Variants in SETD5 observed in about 807,000 individuals in gnomAD.
SETD5 encodes histone-lysine N-methyltransferase SETD5.
In SETD5, 44 loss-of-function variants were observed where a neutral mutation model predicts 153.3. That is an observed-to-expected ratio of 0.29 (90% CI 0.23 to 0.37). The LOEUF is 0.37. Among genes scored for constraint, SETD5 ranks in the 10% least tolerant of loss-of-function variants. The pLI, the probability that SETD5 is intolerant of heterozygous loss-of-function variation, is 1.00. For synonymous variants in SETD5, 716 were observed against 645.2 expected, an observed-to-expected ratio of 1.11 and a Z score of -1.66; for missense variants, 1,544 against 1,768.0, an observed-to-expected ratio of 0.87 and a Z score of 2.27.
At chr3:9,427,254 AT>A (rs2039388915) in intron 2 of SETD5, among the ~76,000 whole-genome samples, 1 of 152,108 alleles carries the variant, frequency 6.6e-6, no homozygotes. Flanking sequence ...ACCATTTACA[AT>A]TTACATTAAC....
chr3:9,477,597 A>C lies in SETD5; in HGVS notation c.*1506A>C, dbSNP rs1041364690. On this transcript the variant is annotated 3_prime_UTR_variant, in exon 23 of 23. Transcript: ENST00000402198. ...ACCCTGTCCTACAACTATCATATGC[A>C]CAGTCTTCTCTCTTTGTGTGTGACT... 1.3e-5 allele frequency: 2 copies of C among 151,436 alleles called. No individual in the cohort carries two copies. Among genetic ancestry groups the C allele is most frequent in the African/African-American group, 4.9e-5 (2 of 40,994 alleles). The allele number at this position is 151,436 out of a possible 1,614,324, so 9.4% of individuals were successfully genotyped here.
intron 13 of SETD5, among the ~76,000 whole-genome samples, chr3:9,445,965 GTTTTTT>G (rs376821559): frequency 2.7e-4 from 23 of 86,466 alleles, no homozygotes; most frequent in African/African-American, 9.4e-4. Flanking sequence ...TGAAGAGGTT[GTTTTTT>G]TTTTTTTTTT....
In SETD5 at chr3:9,434,004, ATTC is replaced by A; in HGVS notation, c.177+57_177+59del. On this transcript the variant is annotated intron_variant, in intron 4 of 22. Transcript: ENST00000402198. The surrounding 1 kb of genome is among the most constrained non-coding windows in gnomAD (Gnocchi z 5.6). ...CAGTGATCTTCCTGGAGTGTAATCC[ATTC>A]TTATACATTGTGACTTTCTTGAAAT... 1.2e-6 allele frequency: 2 copies of A among 1,613,116 alleles called. No homozygotes were observed. The highest frequency in any genetic ancestry group is 1.7e-6 in the Non-Finnish European group (2 of 1,179,548).
Position 9,417,154 on chromosome 3 carries a change from T to C in SETD5, c.-176-7313T>C, listed in dbSNP as rs150404977. Among the ~76,000 whole-genome samples, 132 of 152,278 alleles carry C rather than the reference T, an allele frequency of 8.7e-4. 1 individual carries two copies. The East Asian group carries it at 0.025, about 28-fold the overall frequency. On this transcript the variant is annotated intron_variant, in intron 1 of 22. Coordinates refer to ENST00000402198, the MANE Select transcript of SETD5 (RefSeq NM_001080517.3). Reference sequence around the variant, plus strand: ...AAGTTATGCTCTAGAAGGGATAACATCATGGAAGAATATAGAGTAGATTGG... The same window carrying C: ...AAGTTATGCTCTAGAAGGGATAACACCATGGAAGAATATAGAGTAGATTGG...
At chr3:9,404,795 C>T (rs1345512660) in intron 1 of SETD5, among the ~76,000 whole-genome samples, 1 of 152,164 alleles carries the variant, frequency 6.6e-6, no homozygotes, top group Non-Finnish European at 1.5e-5. Context: ...CAGTAAGGGA[C>T]CACATTTTGA....
chr3:9,403,275 C>G (rs998371016), intron 1 of SETD5, among the ~76,000 whole-genome samples: 1 of 152,038 alleles, frequency 6.6e-6, no homozygotes, highest in African/African-American at 2.4e-5. Context: ...ATAAATAAAG[C>G]TCTGTATAGG....
At chr3:9,443,550 T>G (rs2041557960) in intron 11 of SETD5, 133 bp downstream of exon 11, 1 of 501,304 alleles carries the variant, frequency 2.0e-6, no homozygotes, top group Non-Finnish European at 3.1e-6. Flanking sequence ...TAATGAATTT[T>G]CTGCCTAGAA....
rs5846639 is a variant in SETD5, at chr3:9,476,459, TAAAA to T, written c.*384_*387del. 1.8e-5 allele frequency: 2 copies of T among 113,672 alleles called. No individual in the cohort carries two copies. The highest frequency in any genetic ancestry group is 3.8e-5 in the Non-Finnish European group (2 of 53,134). 7.0% of individuals were successfully genotyped at this position (113,672 alleles called of 1,614,324 possible). A position where few individuals can be genotyped will look rare whatever the true frequency, so the allele number is the denominator to read the frequency against. On this transcript the variant is annotated 3_prime_UTR_variant, in exon 23 of 23. Transcript: ENST00000402198. ...TGCAGTGAGGACATCTTTTTAAATT[TAAAA>T]AAAAAAAAAAAAAAAGTTTTCAAAG...
intron 1 of SETD5, among the ~76,000 whole-genome samples, chr3:9,414,775 TG>T (rs1213206076): frequency 9.2e-5 from 14 of 152,128 alleles, no homozygotes; most frequent in African/African-American, 3.1e-4. Flanking sequence ...AAGTTATTAA[TG>T]GAGGTCTTCA....
chr3:9,419,910 G>A (rs1467407720), intron 1 of SETD5, among the ~76,000 whole-genome samples: 1 of 152,216 alleles, frequency 6.6e-6, no homozygotes, highest in African/African-American at 2.4e-5. Context: ...GGAGGCACGT[G>A]TAGAGATATG....
chr3:9,421,462 A>G (rs923679075), intron 1 of SETD5, among the ~76,000 whole-genome samples: 2 of 151,984 alleles, frequency 1.3e-5, no homozygotes, highest in Non-Finnish European at 2.9e-5. Context: ...TTCCTAGCAT[A>G]CTTTTCTTCT....
chr3:9,414,434 TATC>T (rs1380437412), intron 1 of SETD5, among the ~76,000 whole-genome samples: 1 of 152,160 alleles, frequency 6.6e-6, no homozygotes, highest in Non-Finnish European at 1.5e-5. Context: ...AGTATGAGGC[TATC>T]ATTGCTTCTA....
chr3:9,475,082 G>C lies in SETD5; in HGVS notation c.3646G>C (p.Glu1216Gln). Residue 1216 changes from glutamate to glutamine, a missense_variant, in exon 22 of 23, where the codon GAA becomes CAA. Physicochemically the swap from Glu to Gln is conservative, Grantham distance 29. Transcript: ENST00000402198. ...TTACCTTCCAGACCCTGCAGATGGA[G>C]AAGGCCCAGAGACATTAAGCTCAGC... Reference protein sequence around the residue: ...TEKDSDPADGEGPETLSSALS... With the variant: ...TEKDSDPADGQGPETLSSALS... 1 of 1,585,978 alleles carries C rather than the reference G, an allele frequency of 6.3e-7. No homozygotes were observed. Among genetic ancestry groups the C allele is most frequent in the African/African-American group, 1.3e-5 (1 of 74,276 alleles).
chr3:9,470,439 G>C lies in SETD5; in HGVS notation c.2725-20G>C, dbSNP rs781524402. The C allele has an allele frequency of 8.2e-6, 13 of 1,593,400 alleles. No homozygotes were observed. Among genetic ancestry groups the C allele is most frequent in the Non-Finnish European group, 1.0e-5 (12 of 1,165,528 alleles). On this transcript the variant is annotated intron_variant, in intron 18 of 22. Transcript: ENST00000402198. Reference sequence around the variant, plus strand: ...CCTTTCTCCCCTACCCCATGTCTCCGTTGATTTTTATTCTTTCAGCTTTGT... The same window carrying C: ...CCTTTCTCCCCTACCCCATGTCTCCCTTGATTTTTATTCTTTCAGCTTTGT...
chr3:9,398,182 C>T (rs1224794503), intron 1 of SETD5: 15 of 150,672 alleles, frequency 1.0e-4, no homozygotes, highest in Non-Finnish European at 2.1e-4. Context: ...GGAGAGAGAT[C>T]CCCCTCTAAT....
chr3:9,475,836 A>G lies in SETD5; in HGVS notation c.4074A>G (p.Ser1358=), dbSNP rs200296385. The G allele has an allele frequency of 3.7e-6, 6 of 1,613,996 alleles. No individual in the cohort carries two copies. In the East Asian group the frequency reaches 1.1e-4, roughly 30 times the overall value. ...TLQGPSDSPT[S]DSVSQSSTGT... ...AGGGACCCTCAGACTCGCCAACCTC[A>G]GATTCAGTTTCTCAGTCCAGCACAG... Residue 1358 remains serine (S), a synonymous_variant, in exon 23 of 23, where the codon TCA becomes TCG. Transcript: ENST00000402198.
At chr3:9,408,979 CTCTT>C (rs2036146374) in intron 1 of SETD5, among the ~76,000 whole-genome samples, 1 of 152,182 alleles carries the variant, frequency 6.6e-6, no homozygotes, top group African/African-American at 2.4e-5. Flanking sequence ...TTTTGCAAAT[CTCTT>C]TAATGTCTGA....
At chr3:9,473,161 T>G in intron 19 of SETD5, 75 bp from the exon 20 acceptor site, 1 of 1,491,850 alleles carries the variant, frequency 6.7e-7, no homozygotes, top group Non-Finnish European at 9.0e-7. Context: ...TTTCCTTCTT[T>G]CCCTGTTGCT....
In SETD5 at chr3:9,434,248, A is replaced by C. The variant is rs1394669109; in HGVS notation, c.178-86A>C. On this transcript the variant is annotated intron_variant, in intron 4 of 22. Coordinates refer to ENST00000402198, the MANE Select transcript of SETD5 (RefSeq NM_001080517.3). The surrounding 1 kb of genome is among the most constrained non-coding windows in gnomAD (Gnocchi z 5.6). ...GGGAGAGAGGGGCCAGTGTTTGGAC[A>C]CTGTTGATTTAAAAAATCTTATTTT... The C allele has an allele frequency of 1.3e-6, 2 of 1,571,260 alleles. No homozygotes were observed.
Sources: allele counts gnomAD v4.1 joint callset (sites outside exome capture counted in the v4.1 genomes callset), GRCh38; gene constraint gnomAD v4.1.1; non-coding constraint Gnocchi (gnomAD v3.1); transcripts MANE v1.5; gene names NCBI Gene and HGNC (gene_info 2026-07-23, HGNC 2026-07-21).